Variants in MUC7 observed in about 807,000 individuals in gnomAD.
MUC7 encodes mucin-7.
A neutral mutation model predicts 2.5 loss-of-function variants in MUC7; 2 were observed. The ratio of observed to expected loss-of-function variants is 0.81; its 90% CI spans 0.33 to 2.55. The LOEUF (loss-of-function observed/expected upper bound fraction) is 2.55, where lower values mean the gene tolerates loss of function less well. MUC7 is among the 30% of genes most tolerant of loss of function. The probability of loss-of-function intolerance (pLI) is 0.11; values close to 1 mark genes in which losing one functional copy is unlikely to be tolerated. For synonymous variants in MUC7, 133 were observed against 173.4 expected, an observed-to-expected ratio of 0.77 and a Z score of 1.83; for missense variants, 408 against 455.6, an observed-to-expected ratio of 0.90 and a Z score of 0.95.
At chr4:70,466,471 G>C (rs1167808565) in intron 1 of MUC7, among the ~76,000 whole-genome samples, 2 of 152,074 alleles carry the variant, frequency 1.3e-5, no homozygotes, top group African/African-American at 4.8e-5. Context: ...TGGCAAATTG[G>C]ATAAAGACTC....
intron 1 of MUC7, among the ~76,000 whole-genome samples, chr4:70,459,418 T>C (rs1011205487): frequency 2.0e-5 from 3 of 152,028 alleles, no homozygotes; most frequent in African/African-American, 4.8e-5. Context: ...CATCACACTC[T>C]GGGGACTGTT....
At chr4:70,476,333 C>T (rs1735001070) in intron 2 of MUC7, among the ~76,000 whole-genome samples, 1 of 152,158 alleles carries the variant, frequency 6.6e-6, no homozygotes, top group Non-Finnish European at 1.5e-5. Flanking sequence ...CAACACAAGT[C>T]ATGTTATTGT....
upstream of MUC7, among the ~76,000 whole-genome samples, chr4:70,469,049 C>A (rs7660112): frequency 0.074 from 11,305 of 152,130 alleles, 635 homozygotes; most frequent in East Asian, 0.19. Flanking sequence ...GTACTGGCAC[C>A]AAAACAGATA....
chr4:70,432,519 G>A (rs561637056), intron 1 of MUC7, among the ~76,000 whole-genome samples: 1 of 152,300 alleles, frequency 6.6e-6, no homozygotes, highest in East Asian at 1.9e-4. Flanking sequence ...ATTTTTTCAT[G>A]TGTCTGTTGG....
intron 1 of MUC7, among the ~76,000 whole-genome samples, chr4:70,459,364 G>T (rs1322975986): frequency 1.3e-5 from 2 of 152,090 alleles, no homozygotes; most frequent in Non-Finnish European, 2.9e-5. Context: ...CTCACTCATA[G>T]GTGGGAATTG....
chr4:70,453,484 T>C (rs971589797), intron 1 of MUC7, among the ~76,000 whole-genome samples: 2 of 152,202 alleles, frequency 1.3e-5, no homozygotes, highest in Non-Finnish European at 2.9e-5. Flanking sequence ...CAGCTTGTGC[T>C]GAATGCTGCC....
intron 1 of MUC7, among the ~76,000 whole-genome samples, chr4:70,447,302 T>C (rs1220308104): frequency 2.0e-5 from 3 of 152,202 alleles, no homozygotes; most frequent in Non-Finnish European, 4.4e-5. Flanking sequence ...GTGAGATATT[T>C]TGAGAAGCGC....
At chr4:70,463,864 T>A (rs752916745) in intron 1 of MUC7, among the ~76,000 whole-genome samples, 2 of 152,210 alleles carry the variant, frequency 1.3e-5, no homozygotes, top group Non-Finnish European at 2.9e-5. Flanking sequence ...ATCTTGGACT[T>A]CTCAAACTCC....
chr4:70,470,010 A>G (rs1331465463), upstream of MUC7, among the ~76,000 whole-genome samples: 3 of 152,236 alleles, frequency 2.0e-5, no homozygotes, highest in Admixed American at 1.3e-4. Context: ...AACCAACCCA[A>G]ATGCCCATCA....
At chr4:70,478,749 T>C (rs1735080586) in intron 2 of MUC7, among the ~76,000 whole-genome samples, 2 of 152,210 alleles carry the variant, frequency 1.3e-5, no homozygotes, top group Admixed American at 1.3e-4. Context: ...GGATTGCATA[T>C]TCAATCTCCA....
At chr4:70,454,022 A>G (rs961870700) in intron 1 of MUC7, among the ~76,000 whole-genome samples, 13 of 151,934 alleles carry the variant, frequency 8.6e-5, no homozygotes, top group African/African-American at 3.1e-4. Context: ...TCAAAATACA[A>G]GACAAAATCC....
intron 1 of MUC7, among the ~76,000 whole-genome samples, chr4:70,434,599 T>TTCTTCTC (rs1421327238): frequency 3.3e-5 from 5 of 152,188 alleles, no homozygotes. Flanking sequence ...ATCTATTTGA[T>TTCTTCTC]TCTTCTCTCT....
At chr4:70,461,386 T>C (rs905305176) in intron 1 of MUC7, among the ~76,000 whole-genome samples, 2 of 152,238 alleles carry the variant, frequency 1.3e-5, no homozygotes, top group Non-Finnish European at 2.9e-5. Context: ...CCACACTTTC[T>C]ATATGCAGAT....
chr4:70,475,771 C>CT (rs1446856481), intron 2 of MUC7, among the ~76,000 whole-genome samples: 1 of 151,990 alleles, frequency 6.6e-6, no homozygotes, highest in Non-Finnish European at 1.5e-5. Flanking sequence ...GTGGAATGTA[C>CT]TTTTTTATTG....
chr4:70,469,061 A>G (rs1413880153), upstream of MUC7, among the ~76,000 whole-genome samples: 2 of 152,232 alleles, frequency 1.3e-5, no homozygotes, highest in Non-Finnish European at 2.9e-5. Flanking sequence ...AAACAGATAT[A>G]TAGACCAATA....
intron 1 of MUC7, among the ~76,000 whole-genome samples, chr4:70,431,922 G>A (rs10032064): frequency 0.1 from 15,567 of 151,698 alleles, 1,001 homozygotes; most frequent in East Asian, 0.2. Flanking sequence ...GACAGGCCCC[G>A]GTGTGTGATA....
intron 1 of MUC7, among the ~76,000 whole-genome samples, chr4:70,447,356 G>T (rs1734171491): frequency 6.6e-6 from 1 of 152,056 alleles, no homozygotes; most frequent in Admixed American, 6.6e-5. Context: ...TTAAATGTTG[G>T]CTCCTCTTTA....
At chr4:70,450,736 G>T (rs1476910542) in intron 1 of MUC7, among the ~76,000 whole-genome samples, 2 of 152,102 alleles carry the variant, frequency 1.3e-5, no homozygotes, top group Non-Finnish European at 2.9e-5. Flanking sequence ...TGTCAAGAAA[G>T]GTTTTCTGGG....
At chr4:70,436,099 G>A (rs1733824953) in intron 1 of MUC7, among the ~76,000 whole-genome samples, 1 of 152,168 alleles carries the variant, frequency 6.6e-6, no homozygotes, top group Non-Finnish European at 1.5e-5. Context: ...TTCCCTTTGT[G>A]AGTAGCCTAA....
Sources: gnomAD v4.1 joint callset for allele counts (sites outside exome capture counted in the v4.1 genomes callset) on GRCh38, gnomAD v4.1.1 for gene constraint, MANE v1.5 for transcripts, NCBI Gene and HGNC (gene_info 2026-07-23, HGNC 2026-07-21) for gene names.